LY86: variants seen among roughly 807,000 people sequenced by gnomAD.
LY86 encodes MD-1, RP105-associated.
LY86 carries 20 observed loss-of-function variants against 17.3 expected under a neutral mutation model. The observed-to-expected ratio is 1.15, with a 90% CI of 0.81 to 1.68. LY86 has a LOEUF of 1.68. Ranked by LOEUF, LY86 falls within the 40% of genes most tolerant of loss-of-function variation. The pLI is 0.00. For missense variants in LY86, 200 were observed against 191.9 expected, an observed-to-expected ratio of 1.04 and a Z score of -0.25; for synonymous variants, 74 against 70.6, an observed-to-expected ratio of 1.05 and a Z score of -0.24.
intron 3 of LY86, among the ~76,000 whole-genome samples, chr6:6,630,892 A>G (rs1761887879): frequency 6.6e-6 from 1 of 152,200 alleles, no homozygotes; most frequent in Non-Finnish European, 1.5e-5. Flanking sequence ...AATGTAAAAT[A>G]TCTCTATCAT....
chr6:6,654,824 G>A lies in LY86; in HGVS notation c.*197G>A, dbSNP rs749435093. 5.3e-5 allele frequency: 30 copies of A among 569,872 alleles called. No individual in the cohort carries two copies. Among genetic ancestry groups the A allele is most frequent in the Non-Finnish European group, 5.6e-5 (18 of 321,444 alleles). 35.3% of individuals were successfully genotyped at this position (569,872 alleles called of 1,614,324 possible). Reference sequence around the variant, plus strand: ...ACTCCACAGATGTAATGAAGTCCCCGAATGTATCTGTTTCTAAGGAGCCTC... The same window carrying A: ...ACTCCACAGATGTAATGAAGTCCCCAAATGTATCTGTTTCTAAGGAGCCTC... On this transcript the variant is annotated 3_prime_UTR_variant, in exon 5 of 5. Transcript: ENST00000230568.
At chr6:6,606,259 C>A (rs914123351) in intron 1 of LY86, among the ~76,000 whole-genome samples, 1 of 152,140 alleles carries the variant, frequency 6.6e-6, no homozygotes, top group African/African-American at 2.4e-5. Flanking sequence ...TCTCCAAGGC[C>A]CCACCAGAGT....
chr6:6,644,625 G>C (rs55997279), intron 3 of LY86, among the ~76,000 whole-genome samples: 31 of 151,602 alleles, frequency 2.0e-4, no homozygotes, highest in Admixed American at 5.3e-4. Flanking sequence ...AAGACACTCA[G>C]TGACAATCAC....
intron 4 of LY86, among the ~76,000 whole-genome samples, chr6:6,652,076 A>AAAAAAGG (rs1561794403): frequency 2.0e-5 from 3 of 150,106 alleles, no homozygotes; most frequent in African/African-American, 7.5e-5. Context: ...AAAAAAAAAA[A>AAAAAAGG]AAAAAGGAAA....
intron 1 of LY86, among the ~76,000 whole-genome samples, chr6:6,612,454 T>TAA (rs897196239): frequency 5.9e-5 from 9 of 152,190 alleles, no homozygotes; most frequent in Admixed American, 6.5e-5. Context: ...TGGGGAGTGT[T>TAA]ACACTTCATA....
At chr6:6,613,562 C>T (rs1286365726) in intron 1 of LY86, among the ~76,000 whole-genome samples, 2 of 152,180 alleles carry the variant, frequency 1.3e-5, no homozygotes, top group South Asian at 2.1e-4. Context: ...GCCGATCCCA[C>T]GCCCACCGGG....
chr6:6,590,121 A>G (rs947403127), intron 1 of LY86, among the ~76,000 whole-genome samples: 1 of 70,932 alleles, frequency 1.4e-5, no homozygotes, highest in African/African-American at 7.3e-5. Context: ...TCTGTCTTAA[A>G]AAAAAAAAAA....
chr6:6,599,690 G>T (rs1760837190), intron 1 of LY86, among the ~76,000 whole-genome samples: 1 of 152,222 alleles, frequency 6.6e-6, no homozygotes, highest in Non-Finnish European at 1.5e-5. Context: ...GGCAGACGGG[G>T]TTCCCTTATA....
At chr6:6,589,001 C>A in intron 1 of LY86, 131 bp downstream of exon 1, 3 of 1,250,160 alleles carry the variant, frequency 2.4e-6, no homozygotes, top group Non-Finnish European at 3.2e-6. Context: ...TCTCCACCTG[C>A]AGCAGGTCTG....
intron 1 of LY86, among the ~76,000 whole-genome samples, chr6:6,623,610 G>A (rs1044890867): frequency 6.6e-6 from 1 of 152,094 alleles, no homozygotes; most frequent in Non-Finnish European, 1.5e-5. Flanking sequence ...CCCAATATAT[G>A]GCCCATCCAT....
At chr6:6,589,758 A>G (rs1267909553) in intron 1 of LY86, among the ~76,000 whole-genome samples, 3 of 151,946 alleles carry the variant, frequency 2.0e-5, no homozygotes, top group East Asian at 3.8e-4. Context: ...TCCTCTTCTT[A>G]TAAGTACACA....
chr6:6,591,952 G>A (rs115987961), intron 1 of LY86, among the ~76,000 whole-genome samples: 10 of 152,168 alleles, frequency 6.6e-5, no homozygotes, highest in Non-Finnish European at 8.8e-5. Flanking sequence ...AAGAGGAAGT[G>A]GAAGACATGA....
intron 3 of LY86, among the ~76,000 whole-genome samples, chr6:6,627,086 G>A (rs1006615830): frequency 3.9e-5 from 6 of 151,978 alleles, no homozygotes; most frequent in Admixed American, 1.3e-4. Flanking sequence ...ATGCTTCCGC[G>A]GTGTGGTTAA....
intron 1 of LY86, among the ~76,000 whole-genome samples, chr6:6,612,533 C>T (rs1448434618): frequency 6.6e-6 from 1 of 152,194 alleles, no homozygotes. Flanking sequence ...ACAAACCAAC[C>T]ACACAAAAGC....
At chr6:6,651,928 C>T (rs552487452) in intron 4 of LY86, among the ~76,000 whole-genome samples, 4 of 151,810 alleles carry the variant, frequency 2.6e-5, no homozygotes, top group South Asian at 2.1e-4. Context: ...TGGTGGTGCA[C>T]GCCTGTAATC....
Position 6,637,628 on chromosome 6 carries a change from C to G in LY86, c.352+11207C>G, listed in dbSNP as rs3804485. Reference sequence around the variant, plus strand: ...ACTCACGACTCCCCCACATCACCCACTTGGATCCCAGAGCTGCTGGTATTT... The same window carrying G: ...ACTCACGACTCCCCCACATCACCCAGTTGGATCCCAGAGCTGCTGGTATTT... On this transcript the variant is annotated intron_variant, in intron 3 of 4. Transcript: ENST00000230568. Among the ~76,000 whole-genome samples, 5 of 151,948 alleles carry G rather than the reference C, an allele frequency of 3.3e-5. No individual in the cohort carries two copies. In the South Asian group the frequency reaches 6.2e-4, roughly 19 times the overall value.
chr6:6,646,317 A>C (rs1348050209), intron 3 of LY86, among the ~76,000 whole-genome samples: 1 of 152,202 alleles, frequency 6.6e-6, no homozygotes, highest in Non-Finnish European at 1.5e-5. Context: ...CTTAGCCACG[A>C]TGCTTCGAAT....
intron 1 of LY86, among the ~76,000 whole-genome samples, chr6:6,613,759 G>A (rs1031601632): frequency 1.3e-5 from 2 of 152,264 alleles, no homozygotes; most frequent in East Asian, 1.9e-4. Context: ...GGCCGAGGAG[G>A]CCCCAAGAGC....
intron 1 of LY86, among the ~76,000 whole-genome samples, chr6:6,612,392 C>G (rs954091017): frequency 6.6e-6 from 1 of 152,170 alleles, no homozygotes; most frequent in African/African-American, 2.4e-5. Context: ...TTTATTTTCC[C>G]CCAGTGGGTA....
Sources: allele counts gnomAD v4.1 joint callset (sites outside exome capture counted in the v4.1 genomes callset), GRCh38; gene constraint gnomAD v4.1.1; transcripts MANE v1.5; gene names NCBI Gene and HGNC (gene_info 2026-07-23, HGNC 2026-07-21).